ARHGAP25: variants seen among roughly 807,000 people sequenced by gnomAD.
ARHGAP25 encodes rho GTPase-activating protein 25.
ARHGAP25 carries 34 observed loss-of-function variants against 71.0 expected under a neutral mutation model. The ratio of observed to expected loss-of-function variants is 0.48; its 90% CI spans 0.36 to 0.64. The LOEUF is 0.64. Ranked by LOEUF, ARHGAP25 falls within the 30% of genes least tolerant of loss-of-function variation. ARHGAP25 has a pLI of 0.00. For missense variants in ARHGAP25, 706 were observed against 805.1 expected, an observed-to-expected ratio of 0.88 and a Z score of 1.49; for synonymous variants, 282 against 296.5, an observed-to-expected ratio of 0.95 and a Z score of 0.50.
rs201385533 is a variant in ARHGAP25 at position 68,750,770 on chromosome 2, GT to G, written c.61+15511del. 8.3e-3 allele frequency among the ~76,000 whole-genome samples: 1,263 copies of G among 152,350 alleles called. 24 individuals carry two copies. Among genetic ancestry groups the G allele is most frequent in the African/African-American group, 0.027 (1,133 of 41,580 alleles). On this transcript the variant is annotated intron_variant, in intron 1 of 10. Transcript: ENST00000409202. ...CCGGACTGTCTGTGATTCTGCAGAT[GT>G]CAGGGCTGCACAGAAGAGGGTGGAG...
chr2:68,771,814 G>A (rs1041931509), intron 1 of ARHGAP25, among the ~76,000 whole-genome samples: 1 of 152,200 alleles, frequency 6.6e-6, no homozygotes, highest in African/African-American at 2.4e-5. Flanking sequence ...ATGGTGGGAT[G>A]TTAACAGGCA....
intron 10 of ARHGAP25, among the ~76,000 whole-genome samples, chr2:68,823,524 T>C (rs1681862129): frequency 6.6e-6 from 1 of 151,222 alleles, no homozygotes; most frequent in Admixed American, 6.6e-5. Flanking sequence ...AGATGGGAGA[T>C]GACTATGGCC....
intron 1 of ARHGAP25, among the ~76,000 whole-genome samples, chr2:68,751,155 AG>A (rs1326987821): frequency 6.6e-6 from 1 of 152,104 alleles, no homozygotes; most frequent in East Asian, 1.9e-4. Context: ...CCATCCTAAG[AG>A]GGGTTAAAGG....
chr2:68,736,086 A>C (rs928334809), intron 1 of ARHGAP25, among the ~76,000 whole-genome samples: 1 of 152,230 alleles, frequency 6.6e-6, no homozygotes, highest in African/African-American at 2.4e-5. Context: ...AACTTCCTTG[A>C]TATTAGATAT....
At chr2:68,740,597 GA>G (rs1558607259) in intron 1 of ARHGAP25, among the ~76,000 whole-genome samples, 1 of 152,160 alleles carries the variant, frequency 6.6e-6, no homozygotes, top group Non-Finnish European at 1.5e-5. Context: ...TGTCCACGGG[GA>G]GTCTCTAGGT....
At chr2:68,734,107 A>C (rs1675098871), upstream of ARHGAP25, among the ~76,000 whole-genome samples, 1 of 152,186 alleles carries the variant, frequency 6.6e-6, no homozygotes, top group African/African-American at 2.4e-5. Flanking sequence ...ATAAAGGTTG[A>C]ATTAATGTGT....
At chr2:68,749,936 T>C (rs1676056307) in intron 1 of ARHGAP25, among the ~76,000 whole-genome samples, 1 of 152,256 alleles carries the variant, frequency 6.6e-6, no homozygotes, top group African/African-American at 2.4e-5. Flanking sequence ...CAAAATTTTC[T>C]TCTCTAAAAA....
chr2:68,711,339 G>A (rs1674476741), intron 2 of ARHGAP25, among the ~76,000 whole-genome samples: 1 of 152,058 alleles, frequency 6.6e-6, no homozygotes, highest in Admixed American at 6.6e-5. Flanking sequence ...CAAACCACAG[G>A]TTGATATTTT....
rs866988966 is a variant in ARHGAP25, at chr2:68,735,107, A to G, written c.-93A>G. ...ATCATAAGGAGGAACAAAAACAGAC[A>G]CAAAAACAGAGGGAAAGAGTGAAAA... On this transcript the variant is annotated 5_prime_UTR_variant, in exon 1 of 11. Coordinates refer to ENST00000409202, the MANE Select transcript of ARHGAP25 (RefSeq NM_001007231.3). The G allele has an allele frequency of 5.3e-6, 6 of 1,125,262 alleles. No homozygotes were observed. The highest frequency in any genetic ancestry group is 2.0e-4 in the Middle Eastern group (1 of 4,940). The allele number at this position is 1,125,262 out of a possible 1,614,324, so 69.7% of individuals were successfully genotyped here.
At chr2:68,808,858 A>G (rs981604261) in intron 5 of ARHGAP25, among the ~76,000 whole-genome samples, 4 of 152,200 alleles carry the variant, frequency 2.6e-5, no homozygotes, top group Non-Finnish European at 4.4e-5. Flanking sequence ...CCTATGCACT[A>G]TGGAGTTGGC....
At chr2:68,734,776 A>AAC (rs34581475), upstream of ARHGAP25, 894 of 177,590 alleles carry the variant, frequency 5.0e-3, 3 homozygotes, top group African/African-American at 0.011. Context: ...TTAAAAAAGA[A>AAC]ACACACACAC....
intron 4 of ARHGAP25, among the ~76,000 whole-genome samples, chr2:68,805,527 G>A (rs978849803): frequency 1.3e-5 from 2 of 152,008 alleles, no homozygotes; most frequent in African/African-American, 2.4e-5. Flanking sequence ...CATCACTGTG[G>A]CAGTTGGGAG....
At chr2:68,760,367 G>A (rs939252622) in intron 1 of ARHGAP25, among the ~76,000 whole-genome samples, 31 of 151,886 alleles carry the variant, frequency 2.0e-4, no homozygotes, top group Admixed American at 1.6e-3. Flanking sequence ...GAAATAAAAA[G>A]CATCCACATT....
intron 4 of ARHGAP25, 57 bp downstream of exon 4, chr2:68,788,013 A>C (rs1005755146): frequency 7.4e-7 from 1 of 1,357,206 alleles, no homozygotes; most frequent in African/African-American, 1.4e-5. Flanking sequence ...AGAAAGTAGG[A>C]AGTAGCTCCA....
chr2:68,802,785 CT>C (rs920480052), intron 4 of ARHGAP25, among the ~76,000 whole-genome samples: 5 of 151,612 alleles, frequency 3.3e-5, no homozygotes, highest in Admixed American at 1.3e-4. Flanking sequence ...AAATAAAACA[CT>C]TTTTTTATGA....
Position 68,813,351 on chromosome 2 carries a change from G to T in ARHGAP25, c.739G>T (p.Val247Leu). 1 of 1,613,820 alleles carries T rather than the reference G, an allele frequency of 6.2e-7. No individual in the cohort carries two copies. Among genetic ancestry groups the T allele is most frequent in the Non-Finnish European group, 8.5e-7 (1 of 1,179,910 alleles). Reference sequence around the variant, plus strand: ...CTACCTCCGAGACCTCCCAGAGCCCGTGGTTCCCTGGAGCCAGTACGAAGG... The same window carrying T: ...CTACCTCCGAGACCTCCCAGAGCCCTTGGTTCCCTGGAGCCAGTACGAAGG... The part of the protein sequence containing the change: ...KLYLRDLPEP[V>L]VPWSQYEGFL... The change falls in exon 6 of 11, where the codon GTG becomes TTG. Residue 247 changes from valine (V) to leucine (L), a missense_variant. By Grantham distance (32) the Val-to-Leu change is conservative (BLOSUM62 1). Transcript: ENST00000409202.
At chr2:68,825,759 A>G (rs1333727641) in intron 10 of ARHGAP25, among the ~76,000 whole-genome samples, 1 of 152,132 alleles carries the variant, frequency 6.6e-6, no homozygotes, top group Admixed American at 6.5e-5. Flanking sequence ...AGCCTGGGCA[A>G]CAGAGCGAGA....
chr2:68,786,902 G>A (rs923766586), intron 3 of ARHGAP25, among the ~76,000 whole-genome samples: 3 of 152,156 alleles, frequency 2.0e-5, no homozygotes, highest in Non-Finnish European at 4.4e-5. Flanking sequence ...TAATTGAAAG[G>A]GATCACTATT....
chr2:68,782,130 T>C (rs1329867095), intron 2 of ARHGAP25, 103 bp from the exon 3 acceptor site: 6 of 1,045,020 alleles, frequency 5.7e-6, no homozygotes, highest in Non-Finnish European at 8.7e-6. Context: ...CCTATCCTCC[T>C]ACTCTCCTCC....
Sources: allele counts gnomAD v4.1 joint callset (sites outside exome capture counted in the v4.1 genomes callset), GRCh38; gene constraint gnomAD v4.1.1; transcripts MANE v1.5; gene names NCBI Gene and HGNC (gene_info 2026-07-23, HGNC 2026-07-21).